UBE2H: variants seen among roughly 807,000 people sequenced by gnomAD.
UBE2H encodes the protein ubiquitin conjugating enzyme E2 H.
In UBE2H, 3 loss-of-function variants were observed where a neutral mutation model predicts 29.0. The observed-to-expected ratio is 0.10, with a 90% CI of 0.05 to 0.27. The LOEUF (loss-of-function observed/expected upper bound fraction) is 0.27, where lower values mean the gene tolerates loss of function less well. Ranked by LOEUF, UBE2H falls within the 10% of genes least tolerant of loss-of-function variation. The pLI is 1.00. For synonymous variants in UBE2H, 69 were observed against 82.9 expected (o/e 0.83, Z 0.91); for missense variants, 68 against 228.2 (o/e 0.30, Z 4.52).
rs367789602 is a variant in UBE2H, at chr7:129,936,676, G to A, written c.53+15827C>T. Reference sequence around the variant, plus strand: ...TGTCCATTAAGATAATCCAGTTCAGGCCACGTGCAGTGGCTTGTGCCTGTA... The same window carrying A: ...TGTCCATTAAGATAATCCAGTTCAGACCACGTGCAGTGGCTTGTGCCTGTA... On this transcript the variant is annotated intron_variant, in intron 1 of 6. Transcript: ENST00000355621. Among the ~76,000 whole-genome samples the A allele has an allele frequency of 1.6e-4, 24 of 151,672 alleles. 1 individual carries two copies. The highest frequency in any genetic ancestry group is 1.3e-3 in the Admixed American group (20 of 15,210).
At chr7:129,944,138 T>C (rs991075264) in intron 1 of UBE2H, among the ~76,000 whole-genome samples, 1 of 149,026 alleles carries the variant, frequency 6.7e-6, no homozygotes, top group African/African-American at 2.5e-5. Flanking sequence ...GGGCAGATCA[T>C]GAGGTCAGGA....
chr7:129,929,780 C>T (rs1171438192), intron 1 of UBE2H, among the ~76,000 whole-genome samples: 3 of 152,158 alleles, frequency 2.0e-5, no homozygotes, highest in Non-Finnish European at 4.4e-5. Flanking sequence ...GAGGCCAAGG[C>T]GGGCTGATCA....
intron 1 of UBE2H, among the ~76,000 whole-genome samples, chr7:129,927,546 A>G (rs1170774077): frequency 6.6e-6 from 1 of 152,198 alleles, no homozygotes; most frequent in African/African-American, 2.4e-5. Flanking sequence ...TCTCAAAAAT[A>G]AAAACACAAC....
chr7:129,926,882 G>C (rs1228552753), intron 1 of UBE2H, among the ~76,000 whole-genome samples: 1 of 152,078 alleles, frequency 6.6e-6, no homozygotes, highest in Non-Finnish European at 1.5e-5. Context: ...CAAACGCCAC[G>C]CTCTAGTACA....
intron 4 of UBE2H, among the ~76,000 whole-genome samples, chr7:129,858,130 G>T (rs892688803): frequency 6.6e-6 from 1 of 152,144 alleles, no homozygotes; most frequent in Non-Finnish European, 1.5e-5. Flanking sequence ...TAAAAAGTAA[G>T]TTACTGGAAT....
At chr7:129,938,486 G>A (rs940150437) in intron 1 of UBE2H, among the ~76,000 whole-genome samples, 13 of 148,008 alleles carry the variant, frequency 8.8e-5, no homozygotes, top group African/African-American at 2.2e-4. Context: ...AGGCCGAGGC[G>A]GGTGGATCAC....
intron 1 of UBE2H, among the ~76,000 whole-genome samples, chr7:129,885,363 T>C (rs1806338485): frequency 6.6e-6 from 1 of 152,260 alleles, no homozygotes; most frequent in Admixed American, 6.5e-5. Context: ...TAATTTGCTA[T>C]GAATGACACT....
At chr7:129,945,026 A>C (rs1462880850) in intron 1 of UBE2H, among the ~76,000 whole-genome samples, 1 of 152,230 alleles carries the variant, frequency 6.6e-6, no homozygotes, top group African/African-American at 2.4e-5. Context: ...CAAAAAGAGT[A>C]TGTACTGAAT....
At chr7:129,849,600 AAAAC>A (rs1448256359) in intron 5 of UBE2H, among the ~76,000 whole-genome samples, 1 of 152,216 alleles carries the variant, frequency 6.6e-6, no homozygotes, top group Middle Eastern at 3.4e-3. Context: ...ATAAAATAAT[AAAAC>A]AATTAATTTG....
At chr7:129,884,548 C>T (rs1399531819) in intron 1 of UBE2H, among the ~76,000 whole-genome samples, 1 of 150,730 alleles carries the variant, frequency 6.6e-6, no homozygotes, top group East Asian at 1.9e-4. Context: ...AAAATGGAAA[C>T]GGTCTAAACA....
chr7:129,870,218 T>G (rs1806001089), intron 3 of UBE2H, among the ~76,000 whole-genome samples: 1 of 152,176 alleles, frequency 6.6e-6, no homozygotes. Flanking sequence ...TCGATGGTGG[T>G]GCTCCTGCAA....
intron 1 of UBE2H, among the ~76,000 whole-genome samples, chr7:129,889,704 G>A (rs964590821): frequency 7.9e-5 from 12 of 152,126 alleles, no homozygotes; most frequent in African/African-American, 2.7e-4. Context: ...ACATGAGGCC[G>A]GGTGTAGTGG....
intron 1 of UBE2H, among the ~76,000 whole-genome samples, chr7:129,909,938 C>A (rs976873789): frequency 1.6e-4 from 24 of 151,930 alleles, no homozygotes; most frequent in Non-Finnish European, 3.2e-4. Context: ...TCAATTAAAG[C>A]ATACAGAAGA....
At chr7:129,924,970 CTT>C (rs913595699) in intron 1 of UBE2H, among the ~76,000 whole-genome samples, 4 of 151,870 alleles carry the variant, frequency 2.6e-5, no homozygotes, top group African/African-American at 9.7e-5. Flanking sequence ...AAAAGTTTAA[CTT>C]TTTGTTTTCC....
At chr7:129,896,668 G>A (rs1276177390) in intron 1 of UBE2H, among the ~76,000 whole-genome samples, 1 of 152,120 alleles carries the variant, frequency 6.6e-6, no homozygotes, top group Non-Finnish European at 1.5e-5. Context: ...GGCTCCCAAA[G>A]TGCTGGGATT....
rs1185754885 is a variant in UBE2H, at chr7:129,900,934, T to C, written c.54-19963A>G. Among the ~76,000 whole-genome samples, 12 of 152,132 alleles carry C rather than the reference T, an allele frequency of 7.9e-5. No individual in the cohort carries two copies. In the South Asian group the frequency reaches 2.5e-3, roughly 32 times the overall value. On this transcript the variant is annotated intron_variant, in intron 1 of 6. Coordinates refer to ENST00000355621, the MANE Select transcript of UBE2H (RefSeq NM_003344.4). ...CCCGGCTAATTTTTTGTATTTTTAGTAGAGAAGGGGTTTCACCGTGTTAGC... is the reference window on the plus strand; with the variant it reads ...CCCGGCTAATTTTTTGTATTTTTAGCAGAGAAGGGGTTTCACCGTGTTAGC...
At chr7:129,941,624 G>A (rs1287031587) in intron 1 of UBE2H, among the ~76,000 whole-genome samples, 7 of 151,988 alleles carry the variant, frequency 4.6e-5, no homozygotes, top group African/African-American at 1.7e-4. Flanking sequence ...TCACTCTGTT[G>A]TCCAGGCTGG....
intron 1 of UBE2H, among the ~76,000 whole-genome samples, chr7:129,942,461 T>C (rs1414142656): frequency 6.6e-6 from 1 of 152,172 alleles, no homozygotes; most frequent in East Asian, 1.9e-4. Context: ...CACTCCAGCC[T>C]GGGCAACAAG....
intron 5 of UBE2H, among the ~76,000 whole-genome samples, chr7:129,855,881 AGTGCAACTCT>A (rs1217326679): frequency 6.6e-6 from 1 of 152,190 alleles, no homozygotes; most frequent in East Asian, 1.9e-4. Context: ...TGGGCAACAG[AGTGCAACTCT>A]GTTTCTATGT....
Sources: gnomAD v4.1 joint callset for allele counts (sites outside exome capture counted in the v4.1 genomes callset) on GRCh38, gnomAD v4.1.1 for gene constraint, MANE v1.5 for transcripts, NCBI Gene and HGNC (gene_info 2026-07-23, HGNC 2026-07-21) for gene names.